The following CNNM1 variants were observed in gnomAD, a reference collection of about 807,000 sequenced individuals.
The protein encoded by CNNM1 is cyclin and CBS domain divalent metal cation transport mediator 1.
CNNM1 carries 44 observed loss-of-function variants against 78.8 expected under a neutral mutation model. The ratio of observed to expected loss-of-function variants is 0.56; its 90% confidence interval spans 0.44 to 0.72. The LOEUF (loss-of-function observed/expected upper bound fraction) is 0.72, where lower values mean the gene tolerates loss of function less well. Among genes scored for constraint, CNNM1 ranks in the 30% least tolerant of loss-of-function variants. CNNM1 has a pLI of 0.00. For synonymous variants in CNNM1, 584 were observed against 581.5 expected (o/e 1.00, Z -0.06); for missense variants, 1,101 against 1,292.2 (o/e 0.85, Z 2.27).
At chr10:99,349,294 A>T (rs56354899) in intron 1 of CNNM1, among the ~76,000 whole-genome samples, 10,805 of 152,160 alleles carry the variant, frequency 0.071, 1,042 homozygotes, top group African/African-American at 0.21. Flanking sequence ...GATCAATTAG[A>T]TCAGAATTTC....
At chr10:99,384,505 G>C (rs568376936) in intron 7 of CNNM1, among the ~76,000 whole-genome samples, 5 of 145,778 alleles carry the variant, frequency 3.4e-5, no homozygotes, top group Admixed American at 7.1e-5. Context: ...CACCCTCACT[G>C]CCATACACTG....
At chr10:99,365,187 TTC>T (rs1353318191) in intron 6 of CNNM1, 185 bp downstream of exon 6, 6 of 688,146 alleles carry the variant, frequency 8.7e-6, no homozygotes, top group Admixed American at 6.4e-5. Flanking sequence ...GGAGCTTAGG[TTC>T]TGTGTGTCTG....
intron 4 of CNNM1, 94 bp downstream of exon 4, chr10:99,362,490 A>G: frequency 7.3e-7 from 1 of 1,363,642 alleles, no homozygotes; most frequent in Non-Finnish European, 9.9e-7. Context: ...AAGTTCCAAG[A>G]CTTGGCTGGC....
chr10:99,333,868 TA>T (rs1393204391), intron 1 of CNNM1, among the ~76,000 whole-genome samples: 7 of 152,220 alleles, frequency 4.6e-5, no homozygotes, highest in African/African-American at 7.2e-5. Context: ...GCAGAATTTC[TA>T]AACCTGGTCG....
chr10:99,334,025 C>T (rs959515096), intron 1 of CNNM1, among the ~76,000 whole-genome samples: 1 of 152,154 alleles, frequency 6.6e-6, no homozygotes, highest in African/African-American at 2.4e-5. Flanking sequence ...AAGTAAGGTC[C>T]GTGAAACAGC....
intron 7 of CNNM1, among the ~76,000 whole-genome samples, chr10:99,381,349 G>A (rs957289044): frequency 3.3e-5 from 5 of 150,168 alleles, no homozygotes; most frequent in African/African-American, 1.2e-4. Flanking sequence ...AGGACACGGA[G>A]GTTGTAGTGA....
chr10:99,358,414 C>A (rs909088836), intron 2 of CNNM1, among the ~76,000 whole-genome samples: 13 of 152,324 alleles, frequency 8.5e-5, no homozygotes, highest in African/African-American at 3.1e-4. Flanking sequence ...AGTCCCTAGG[C>A]TGGGAAGTGT....
chr10:99,377,995 G>A lies in CNNM1; in HGVS notation c.2340+777G>A, dbSNP rs187806461. Among the ~76,000 whole-genome samples the A allele has an allele frequency of 5.0e-3, 625 of 124,398 alleles. 4 individuals are homozygous for A. Among genetic ancestry groups the A allele is most frequent in the African/African-American group, 0.017 (538 of 32,132 alleles). The allele number at this position is 124,398 out of a possible 152,430, so 81.6% of individuals were successfully genotyped here. On this transcript the variant is annotated intron_variant, in intron 7 of 10. Coordinates refer to ENST00000356713, the MANE Select transcript of CNNM1 (RefSeq NM_020348.3). ...TTTTTTTTTTTTGAGACAGAATCTC[G>A]CTCTGTTGCCCAGGCTGGAGTGCAG... is the stretch of plus-strand genomic sequence containing the variant.
At chr10:99,333,634 T>C (rs2030032366) in intron 1 of CNNM1, among the ~76,000 whole-genome samples, 1 of 152,224 alleles carries the variant, frequency 6.6e-6, no homozygotes, top group South Asian at 2.1e-4. Context: ...CATGAGCCAC[T>C]GCACTTGGCC....
chr10:99,350,505 C>A (rs893488743), intron 1 of CNNM1, among the ~76,000 whole-genome samples: 3 of 152,184 alleles, frequency 2.0e-5, no homozygotes, highest in Non-Finnish European at 4.4e-5. Context: ...GAGCTCTTAT[C>A]TATGGATGTG....
chr10:99,346,051 AG>A (rs895706083), intron 1 of CNNM1, among the ~76,000 whole-genome samples: 1 of 152,148 alleles, frequency 6.6e-6, no homozygotes, highest in African/African-American at 2.4e-5. Context: ...GTGGGAAAGA[AG>A]GCAAAAAAAA....
intron 7 of CNNM1, among the ~76,000 whole-genome samples, chr10:99,383,271 C>T (rs753885846): frequency 7.9e-5 from 12 of 151,820 alleles, no homozygotes; most frequent in African/African-American, 1.2e-4. Flanking sequence ...TGTTTTTTGA[C>T]GGAGTCTCAC....
At chr10:99,373,973 T>C (rs983764241) in intron 6 of CNNM1, among the ~76,000 whole-genome samples, 1 of 152,212 alleles carries the variant, frequency 6.6e-6, no homozygotes, top group Non-Finnish European at 1.5e-5. Flanking sequence ...CAGTCATCCA[T>C]TGATGGACAC....
At chr10:99,349,019 G>T (rs1421547421) in intron 1 of CNNM1, among the ~76,000 whole-genome samples, 1 of 152,174 alleles carries the variant, frequency 6.6e-6, no homozygotes, top group African/African-American at 2.4e-5. Flanking sequence ...GCAGTGAGCT[G>T]AGATTGCACC....
intron 1 of CNNM1, among the ~76,000 whole-genome samples, chr10:99,331,588 C>T (rs1272159841): frequency 2.0e-5 from 3 of 152,182 alleles, no homozygotes; most frequent in Non-Finnish European, 4.4e-5. Flanking sequence ...GGTCCAGGGC[C>T]GGGCGCGGCG....
rs1450747340 is a variant in CNNM1 at position 99,387,803 on chromosome 10, T to C, written c.2341-17T>C. 3.8e-6 allele frequency: 6 copies of C among 1,573,586 alleles called. No homozygotes were observed. In the Middle Eastern group the frequency reaches 6.9e-4, roughly 180 times the overall value. The stretch of plus-strand genomic sequence containing the variant: ...CTCTGCCTAGCTGCTCCTAAGCTCC[T>C]GCCCTCTTCCTTCCAGATCACACGG... On this transcript the variant is annotated splice_polypyrimidine_tract_variant and intron_variant, in intron 7 of 10. Transcript: ENST00000356713.
chr10:99,383,861 T>C (rs1480065640), intron 7 of CNNM1, among the ~76,000 whole-genome samples: 4 of 152,204 alleles, frequency 2.6e-5, no homozygotes, highest in Non-Finnish European at 5.9e-5. Context: ...AGTAGCCATG[T>C]ATAAATACAG....
intron 6 of CNNM1, among the ~76,000 whole-genome samples, chr10:99,371,185 T>C (rs1458459601): frequency 2.6e-5 from 4 of 152,122 alleles, no homozygotes; most frequent in African/African-American, 7.2e-5. Flanking sequence ...AGGCTAGGGG[T>C]CTCTGCACCA....
intron 7 of CNNM1, among the ~76,000 whole-genome samples, chr10:99,387,593 G>A (rs536963297): frequency 8.5e-5 from 13 of 152,326 alleles, no homozygotes; most frequent in African/African-American, 2.9e-4. Context: ...TCTTCCAGGT[G>A]CCAATAAAAA....
Sources: allele counts gnomAD v4.1 joint callset (sites outside exome capture counted in the v4.1 genomes callset), GRCh38; gene constraint gnomAD v4.1.1; transcripts MANE v1.5; gene names NCBI Gene and HGNC (gene_info 2026-07-23, HGNC 2026-07-21).